The following NDUFS5 variants were observed in gnomAD, a reference collection of about 807,000 sequenced individuals.
The protein encoded by NDUFS5 is NADH:ubiquinone oxidoreductase subunit S5, also known as NADH dehydrogenase [ubiquinone] iron-sulfur protein 5.
A neutral mutation model predicts 10.5 loss-of-function variants in NDUFS5; 7 were observed. The ratio of observed to expected loss-of-function variants is 0.66; its 90% CI spans 0.38 to 1.25. NDUFS5 has a LOEUF of 1.25. Ranked by LOEUF, NDUFS5 falls within the 50% of genes most tolerant of loss-of-function variation. NDUFS5 has a pLI of 0.02. For missense variants in NDUFS5, 148 were observed against 140.7 expected (o/e 1.05, Z -0.26); for synonymous variants, 38 against 44.0 (o/e 0.86, Z 0.54).
At chr1:39,031,243 G>A (rs1644188807) in intron 2 of NDUFS5, among the ~76,000 whole-genome samples, 1 of 151,868 alleles carries the variant, frequency 6.6e-6, no homozygotes. Context: ...CAAACTCCTG[G>A]GCTCAAGCGA....
At chr1:39,028,206 C>T (rs1347453886) in intron 1 of NDUFS5, among the ~76,000 whole-genome samples, 3 of 148,958 alleles carry the variant, frequency 2.0e-5, no homozygotes, top group South Asian at 2.1e-4. Flanking sequence ...CCAAGGCGGG[C>T]GGATCACCTG....
At chr1:39,029,992 G>A (rs577405985) in intron 2 of NDUFS5, among the ~76,000 whole-genome samples, 2 of 152,158 alleles carry the variant, frequency 1.3e-5, no homozygotes, top group East Asian at 1.9e-4. Flanking sequence ...TCGGGAGGCT[G>A]AGGCAGAAGA....
intron 1 of NDUFS5, among the ~76,000 whole-genome samples, chr1:39,028,356 CT>C (rs972486272): frequency 6.6e-6 from 1 of 151,836 alleles, no homozygotes; most frequent in African/African-American, 2.4e-5. Context: ...CGCTTGAACC[CT>C]GGAGGAGGAG....
In NDUFS5 at chr1:39,034,437, A is replaced by G; in HGVS notation, c.262A>G (p.Lys88Glu). The change falls in exon 3 of 3, where the codon AAG becomes GAG. Residue 88 changes from lysine (K) to glutamate (E), a missense_variant. By Grantham distance (56) the Lys-to-Glu change is moderately conservative (BLOSUM62 1). Coordinates refer to ENST00000372969, the MANE Select transcript of NDUFS5 (RefSeq NM_004552.3). ...TIRKQRDKLIKEGKYTPPPHH... is the reference protein window; with the variant it reads ...TIRKQRDKLIEEGKYTPPPHH... ...CAGGAAGCAGCGGGATAAGCTGATA[A>G]AGGAAGGAAAGTACACCCCTCCACC... 6.2e-7 allele frequency: 1 copy of G among 1,613,750 alleles called. No individual in the cohort carries two copies.
Position 39,034,456 on chromosome 1 carries a change from C to G in NDUFS5, c.281C>G (p.Pro94Arg). The change falls in exon 3 of 3, where the codon CCT (proline) becomes CGT (arginine). Residue 94 changes from proline to arginine, a missense_variant. By Grantham distance (103) the Pro-to-Arg change is moderately radical. Transcript: ENST00000372969. ...CTGATAAAGGAAGGAAAGTACACCC[C>G]TCCACCTCACCACATTGGCAAGGGG... Reference protein sequence around the residue: ...DKLIKEGKYTPPPHHIGKGEP... With the variant: ...DKLIKEGKYTRPPHHIGKGEP... 2 of 1,613,782 alleles carry G rather than the reference C, an allele frequency of 1.2e-6. No homozygotes were observed. The highest frequency in any genetic ancestry group is 1.7e-6 in the Non-Finnish European group (2 of 1,179,796).
At chr1:39,033,704 A>G (rs188186098) in intron 2 of NDUFS5, among the ~76,000 whole-genome samples, 3 of 149,436 alleles carry the variant, frequency 2.0e-5, no homozygotes, top group Admixed American at 2.0e-4. Context: ...GTTTCACCAT[A>G]TTGGCCAGGC....
chr1:39,030,230 C>A (rs1183251902), intron 2 of NDUFS5, among the ~76,000 whole-genome samples: 3 of 151,408 alleles, frequency 2.0e-5, no homozygotes, highest in African/African-American at 7.3e-5. Flanking sequence ...CATGGTGAAA[C>A]CCCGTCTCTA....
At chr1:39,028,299 G>A (rs1310385372) in intron 1 of NDUFS5, among the ~76,000 whole-genome samples, 2 of 151,838 alleles carry the variant, frequency 1.3e-5, no homozygotes, top group Non-Finnish European at 2.9e-5. Context: ...GGGCGTGGTG[G>A]TGCGCACCTG....
intron 2 of NDUFS5, among the ~76,000 whole-genome samples, chr1:39,033,460 C>T (rs966488943): frequency 2.6e-5 from 4 of 150,978 alleles, no homozygotes; most frequent in Admixed American, 6.6e-5. Flanking sequence ...GTAGTCCCAG[C>T]GACTCGGGAG....
chr1:39,029,059 C>A, intron 2 of NDUFS5, 119 bp downstream of exon 2: 1 of 881,996 alleles, frequency 1.1e-6, no homozygotes, highest in Non-Finnish European at 1.7e-6. Context: ...ATGGCGCCAC[C>A]TCGTCTCACT....
chr1:39,032,116 G>A (rs895977246), intron 2 of NDUFS5, among the ~76,000 whole-genome samples: 1 of 149,122 alleles, frequency 6.7e-6, no homozygotes, highest in Non-Finnish European at 1.5e-5. Flanking sequence ...TTGAGATTGC[G>A]CCACTGCACT....
intron 2 of NDUFS5, among the ~76,000 whole-genome samples, chr1:39,029,634 C>T (rs895715094): frequency 6.6e-6 from 1 of 152,182 alleles, no homozygotes; most frequent in African/African-American, 2.4e-5. Context: ...CCATTGAATC[C>T]TCATTGGAAA....
At chr1:39,030,101 A>AC (rs1178381767) in intron 2 of NDUFS5, among the ~76,000 whole-genome samples, 8 of 150,182 alleles carry the variant, frequency 5.3e-5, no homozygotes, top group Non-Finnish European at 1.2e-4. Context: ...TAAAAAAAAA[A>AC]CCAAAAAAAC....
At chr1:39,028,082 A>T (rs1468831752) in intron 1 of NDUFS5, among the ~76,000 whole-genome samples, 1 of 143,050 alleles carries the variant, frequency 7.0e-6, no homozygotes, top group Admixed American at 7.1e-5. Flanking sequence ...GGCCTCCCAA[A>T]GTTCTGGGAT....
chr1:39,027,873 C>G (rs1233650907), intron 1 of NDUFS5, among the ~76,000 whole-genome samples: 3 of 124,808 alleles, frequency 2.4e-5, no homozygotes, highest in Non-Finnish European at 4.8e-5. Flanking sequence ...GGCTGGAGTA[C>G]AATGGCGGAT....
chr1:39,034,161 G>T (rs112094464), intron 2 of NDUFS5, among the ~76,000 whole-genome samples: 1 of 152,102 alleles, frequency 6.6e-6, no homozygotes, highest in African/African-American at 2.4e-5. Flanking sequence ...TATATATTAA[G>T]AACATTTTAG....
At chr1:39,031,706 C>A (rs1331869570) in intron 2 of NDUFS5, among the ~76,000 whole-genome samples, 2 of 152,100 alleles carry the variant, frequency 1.3e-5, no homozygotes, top group Non-Finnish European at 2.9e-5. Flanking sequence ...ACTTCCTAAT[C>A]CTGTGAATTT....
At chr1:39,029,363 A>C (rs1644175049) in intron 2 of NDUFS5, among the ~76,000 whole-genome samples, 1 of 152,132 alleles carries the variant, frequency 6.6e-6, no homozygotes, top group African/African-American at 2.4e-5. Context: ...GAATTGGCAA[A>C]GCTTTTCTGG....
At chr1:39,031,837 A>G (rs1644192247) in intron 2 of NDUFS5, among the ~76,000 whole-genome samples, 1 of 152,188 alleles carries the variant, frequency 6.6e-6, no homozygotes, top group African/African-American at 2.4e-5. Flanking sequence ...AGCATATTAT[A>G]ATGCATGTAT....
Sources: gnomAD v4.1 joint callset for allele counts (sites outside exome capture counted in the v4.1 genomes callset) on GRCh38, gnomAD v4.1.1 for gene constraint, MANE v1.5 for transcripts, NCBI Gene and HGNC (gene_info 2026-07-23, HGNC 2026-07-21) for gene names.